The following CLCNKB variants were observed in gnomAD, a reference collection of about 807,000 sequenced individuals.
The protein encoded by CLCNKB is chloride channel protein ClC-Kb.
A neutral mutation model predicts 83.8 loss-of-function variants in CLCNKB; 74 were observed. The observed-to-expected ratio is 0.88, with a 90% confidence interval of 0.73 to 1.07. CLCNKB has a LOEUF of 1.07. CLCNKB is among the 50% of genes least tolerant of loss of function. The pLI, the probability that CLCNKB is intolerant of heterozygous loss-of-function variation, is 0.00. For missense variants in CLCNKB, 798 were observed against 893.6 expected, an observed-to-expected ratio of 0.89 and a Z score of 1.36; for synonymous variants, 358 against 356.6, an observed-to-expected ratio of 1.00 and a Z score of -0.04.
At chr1:16,044,696 G>T (rs1324937215) in intron 2 of CLCNKB, 104 bp downstream of exon 2, 12 of 999,878 alleles carry the variant, frequency 1.2e-5, no homozygotes, top group Non-Finnish European at 1.8e-5. Flanking sequence ...CCTCCTCCTG[G>T]CATTTGTCCA....
chr1:16,044,435 C>T (rs1363880680), intron 1 of CLCNKB, 51 bp from the exon 2 acceptor site: 53 of 1,469,334 alleles, frequency 3.6e-5, no homozygotes, highest in Middle Eastern at 2.0e-4. Context: ...AGAGGCAGTG[C>T]GAGGACGTGC....
Position 16,050,917 on chromosome 1 carries a change from T to G in CLCNKB, c.1096T>G (p.Ser366Ala). The G allele has an allele frequency of 3.1e-6, 5 of 1,612,740 alleles. No homozygotes were observed. The highest frequency in any genetic ancestry group is 4.2e-6 in the Non-Finnish European group (5 of 1,179,862). The part of the protein sequence containing the change: ...QHLDSLFDNH[S>A]WALMTQNSSP... ...TCTGGACTCGCTGTTCGACAACCAC[T>G]CCTGGGCGCTGATGACCCAGAACTC... Residue 366 changes from serine (S) to alanine (A), a missense_variant, in exon 12 of 20, where the codon TCC (serine) becomes GCC (alanine). Ser to Ala is a moderately conservative substitution (Grantham distance 99, BLOSUM62 1). Coordinates refer to ENST00000375679, the MANE Select transcript of CLCNKB (RefSeq NM_000085.5).
At chr1:16,044,826 G>T (rs547016093) in intron 2 of CLCNKB, among the ~76,000 whole-genome samples, 76 of 152,338 alleles carry the variant, frequency 5.0e-4, no homozygotes, top group Admixed American at 2.5e-3. Context: ...ACAGCCCAAG[G>T]CCTGGTCACT....
chr1:16,048,158 T>C (rs1403494082), intron 5 of CLCNKB, 114 bp downstream of exon 5: 6 of 1,480,546 alleles, frequency 4.1e-6, no homozygotes, highest in Middle Eastern at 1.7e-4. Flanking sequence ...GTCCCTGCCT[T>C]CCAGGAACTC....
chr1:16,053,583 A>G (rs932691999), intron 15 of CLCNKB, 56 bp from the exon 16 acceptor site: 37 of 1,613,028 alleles, frequency 2.3e-5, no homozygotes, highest in South Asian at 2.1e-4. Context: ...TCCCCCTGCC[A>G]GCCTGGGTCT....
At chr1:16,054,237 G>A (rs1387423870) in intron 16 of CLCNKB, among the ~76,000 whole-genome samples, 2 of 152,188 alleles carry the variant, frequency 1.3e-5, no homozygotes, top group Admixed American at 6.5e-5. Context: ...TTTCCTGTGG[G>A]TACAAGTCCA....
At position 16,055,723 on chromosome 1, in the gene CLCNKB, AC is replaced by A. The variant is rs863224858; in HGVS notation, c.1897del (p.Leu633Ter). On this transcript the variant is annotated frameshift_variant, in exon 18 of 20. Transcript: ENST00000375679. LOFTEE classifies it high-confidence loss of function. ...TGCAGGCTGCCCCACAGAACCAGTG[AC>A]CCTGAAGCTGTCCCCAGAGACTTCC... ...LAAGCPTEPVTLKLSPETSLH... is the reference protein window; with the variant it reads ...LAAGCPTEPVXLKLSPETSLH... 61 of 1,613,730 alleles carry A rather than the reference AC, an allele frequency of 3.8e-5. No homozygotes were observed. Among genetic ancestry groups the A allele is most frequent in the Non-Finnish European group, 9.3e-6 (11 of 1,180,016 alleles).
At position 16,055,764 on chromosome 1, in the gene CLCNKB, G is replaced by A. The variant is rs200391980; in HGVS notation, c.1929+6G>A. 27 of 1,612,350 alleles carry A rather than the reference G, an allele frequency of 1.7e-5. No individual in the cohort carries two copies. In the East Asian group the frequency reaches 2.7e-4, roughly 16 times the overall value. On this transcript the variant is annotated splice_donor_region_variant and intron_variant, in intron 18 of 19. Transcript: ENST00000375679. ...CAGAGACTTCCCTGCATGAGGTAAC[G>A]GGGAGAACTGGGGAGTGTGACACAT...
intron 12 of CLCNKB, 133 bp downstream of exon 12, chr1:16,051,181 G>T: frequency 7.2e-7 from 1 of 1,389,150 alleles, no homozygotes; most frequent in Non-Finnish European, 1.0e-6. Flanking sequence ...CCTGCCCATT[G>T]CATGGTCCTG....
chr1:16,054,955 G>A (rs979679083), intron 16 of CLCNKB, among the ~76,000 whole-genome samples: 7 of 152,204 alleles, frequency 4.6e-5, no homozygotes, highest in Non-Finnish European at 1.0e-4. Flanking sequence ...ATCCGACAAT[G>A]CCATTGATGC....
intron 9 of CLCNKB, 43 bp from the exon 10 acceptor site, chr1:16,049,772 G>C: frequency 1.2e-6 from 2 of 1,613,522 alleles, no homozygotes; most frequent in Non-Finnish European, 1.7e-6. Flanking sequence ...GCGGCCCCTG[G>C]TACTGGGGTC....
At chr1:16,055,555 C>CTGGGGTTGGGGGG in intron 17 of CLCNKB, 32 bp downstream of exon 17, 1 of 697,166 alleles carries the variant, frequency 1.4e-6, no homozygotes, top group Non-Finnish European at 2.5e-6. Flanking sequence ...GGGGATGGGG[C>CTGGGGTTGGGGGG]GGGGGTGGGT....
At position 16,049,229 on chromosome 1, in the gene CLCNKB, C is replaced by T. The variant is rs761326447; in HGVS notation, c.765C>T (p.Val255=). 9.3e-6 allele frequency: 15 copies of T among 1,613,744 alleles called. No homozygotes were observed. The highest frequency in any genetic ancestry group is 1.2e-5 in the Non-Finnish European group (14 of 1,179,954). ...CCTTCATGTTCCGGCTCCTGGCGGT[C>T]TTCAACAGCGAGCAGGGTGAGCCCC... ...CGAFMFRLLA[V]FNSEQETITS... The change falls in exon 8 of 20, where the codon GTC becomes GTT. Residue 255 remains valine (V), a synonymous_variant. Transcript: ENST00000375679.
intron 10 of CLCNKB, 25 bp downstream of exon 10, chr1:16,049,941 G>GA: frequency 7.7e-7 from 1 of 1,292,262 alleles, no homozygotes; most frequent in Non-Finnish European, 1.0e-6. Flanking sequence ...AAGGGCTGGG[G>GA]ACCTCTCAGC....
chr1:16,046,416 G>A lies in CLCNKB; in HGVS notation c.230-119G>A, dbSNP rs2014848. The A allele has an allele frequency of 0.79, 1,099,485 of 1,385,260 alleles. 444,206 individuals carry two copies. Among genetic ancestry groups the A allele is most frequent in the East Asian group, 0.99 (40,387 of 40,976 alleles). 85.8% of individuals were successfully genotyped at this position (1,385,260 alleles called of 1,614,324 possible). On this transcript the variant is annotated intron_variant, in intron 3 of 19. Transcript: ENST00000375679. ...TTCTTGGGGGTCTGCACCTCACTGTGTGGCCTGGTCCTCCCCTCTTCGTGA... is the reference window on the plus strand; with the variant it reads ...TTCTTGGGGGTCTGCACCTCACTGTATGGCCTGGTCCTCCCCTCTTCGTGA...
rs201418321 is a variant in CLCNKB, at chr1:16,056,422, G to T, written c.1930G>T (p.Ala644Ser). The part of the protein sequence containing the change: ...KLSPETSLHE[A>S]HNLFELLNLH... The stretch of plus-strand genomic sequence containing the variant: ...GTGTTTCCTAACATCCCCCATCCAG[G>T]CACACAACCTCTTTGAGCTGTTGAA... The change falls in exon 19 of 20, where the codon GCA (alanine) becomes TCA (serine). Residue 644 changes from alanine to serine, a missense_variant and splice_region_variant. By Grantham distance (99) the Ala-to-Ser change is moderately conservative (BLOSUM62 1). Coordinates refer to ENST00000375679, the MANE Select transcript of CLCNKB (RefSeq NM_000085.5). 4 of 1,614,038 alleles carry T rather than the reference G, an allele frequency of 2.5e-6. No homozygotes were observed. The highest frequency in any genetic ancestry group is 1.7e-5 in the Admixed American group (1 of 60,020).
rs1195592708 is a variant in CLCNKB at position 16,056,475 on chromosome 1, G to A, written c.1983G>A (p.Arg661=). 7 of 1,613,760 alleles carry A rather than the reference G, an allele frequency of 4.3e-6. No homozygotes were observed. The African/African-American group carries it at 9.4e-5, about 22-fold the overall frequency. The change falls in exon 19 of 20, where the codon CGG becomes CGA. Residue 661 remains arginine, a synonymous_variant. Transcript: ENST00000375679. The part of the protein sequence containing the change: ...LNLHSLFVTS[R]GRAVGCVSWV... The stretch of plus-strand genomic sequence containing the variant: ...TTCATTCCCTCTTTGTGACGTCGCG[G>A]GGCAGAGCTGTGGGCTGCGTGTCCT...
chr1:16,047,039 C>T (rs1224159623), intron 4 of CLCNKB, among the ~76,000 whole-genome samples: 1 of 152,162 alleles, frequency 6.6e-6, no homozygotes, highest in Non-Finnish European at 1.5e-5. Context: ...AGATTTCATC[C>T]GGGCTTCCCC....
intron 16 of CLCNKB, 73 bp downstream of exon 16, chr1:16,053,845 A>C: frequency 6.3e-7 from 1 of 1,578,750 alleles, no homozygotes; most frequent in Non-Finnish European, 8.7e-7. Flanking sequence ...CCTGTCAGGC[A>C]GACAGGATCT....
Sources: gnomAD v4.1 joint callset for allele counts (sites outside exome capture counted in the v4.1 genomes callset) on GRCh38, gnomAD v4.1.1 for gene constraint, MANE v1.5 for transcripts, NCBI Gene and HGNC (gene_info 2026-07-23, HGNC 2026-07-21) for gene names.